TCF12: variants seen among roughly 807,000 people sequenced by gnomAD.
TCF12 encodes transcription factor 12, also known as DNA-binding protein HTF4.
In TCF12, 45 loss-of-function variants were observed where a neutral mutation model predicts 86.0. That is an observed-to-expected ratio of 0.52 (90% CI 0.41 to 0.67). TCF12 has a LOEUF of 0.67. Ranked by LOEUF, TCF12 falls within the 30% of genes least tolerant of loss-of-function variation. The probability of loss-of-function intolerance (pLI) is 0.00; values close to 1 mark genes in which losing one functional copy is unlikely to be tolerated. For synonymous variants in TCF12, 330 were observed against 299.6 expected (o/e 1.10, Z -1.05); for missense variants, 881 against 859.9 (o/e 1.02, Z -0.31).
At chr15:57,182,112 G>A (rs1327103412) in intron 6 of TCF12, among the ~76,000 whole-genome samples, 1 of 152,086 alleles carries the variant, frequency 6.6e-6, no homozygotes, top group Non-Finnish European at 1.5e-5. Context: ...CTCTGGGATC[G>A]TTCTGTATTC....
chr15:56,967,039 T>C (rs1381642795), intron 3 of TCF12, among the ~76,000 whole-genome samples: 1 of 152,062 alleles, frequency 6.6e-6, no homozygotes, highest in Non-Finnish European at 1.5e-5. Flanking sequence ...TGAGAATCGC[T>C]TCAACCTGGG....
chr15:57,050,296 T>G (rs2067522639), intron 3 of TCF12, among the ~76,000 whole-genome samples: 1 of 152,182 alleles, frequency 6.6e-6, no homozygotes. Context: ...GGTATTATTT[T>G]CCTTCAGCCT....
intron 2 of TCF12, among the ~76,000 whole-genome samples, chr15:56,920,536 T>A (rs1466478761): frequency 2.0e-5 from 3 of 150,240 alleles, no homozygotes; most frequent in African/African-American, 7.3e-5. Flanking sequence ...GGGAAATGAC[T>A]TAAAAACATC....
intron 5 of TCF12, among the ~76,000 whole-genome samples, chr15:57,106,017 G>C (rs138380104): frequency 6.6e-6 from 1 of 152,156 alleles, no homozygotes; most frequent in Non-Finnish European, 1.5e-5. Context: ...TAGAGAAAAG[G>C]TTGAGTAAAT....
At chr15:57,265,182 C>T (rs1198953195) in intron 18 of TCF12, among the ~76,000 whole-genome samples, 2 of 151,814 alleles carry the variant, frequency 1.3e-5, no homozygotes, top group East Asian at 3.9e-4. Flanking sequence ...TTATCAAGTA[C>T]AGCAGGTCCT....
chr15:57,251,199 G>C (rs547703431), intron 13 of TCF12, 151 bp from the exon 14 acceptor site: 1 of 504,870 alleles, frequency 2.0e-6, no homozygotes, highest in African/African-American at 2.0e-5. Flanking sequence ...AAAATGTGTT[G>C]GGCTTATAAG....
intron 3 of TCF12, among the ~76,000 whole-genome samples, chr15:56,925,482 A>T (rs549814891): frequency 6.6e-6 from 1 of 152,336 alleles, no homozygotes; most frequent in East Asian, 1.9e-4. Context: ...AAAGATGAAG[A>T]TATCCAACCT....
At chr15:57,098,471 G>C (rs2049497806) in intron 5 of TCF12, among the ~76,000 whole-genome samples, 1 of 151,742 alleles carries the variant, frequency 6.6e-6, no homozygotes, top group Non-Finnish European at 1.5e-5. Context: ...CCTTTACCAT[G>C]CCCTTTTTCT....
In TCF12 at chr15:57,173,275, G is replaced by A. The variant is rs534291532; in HGVS notation, c.390+6809G>A. 2.6e-5 allele frequency among the ~76,000 whole-genome samples: 4 copies of A among 152,290 alleles called. No individual in the cohort carries two copies. The South Asian group carries it at 6.2e-4, about 24-fold the overall frequency. On this transcript the variant is annotated intron_variant, in intron 6 of 20. Coordinates refer to ENST00000333725, the MANE Select transcript of TCF12 (RefSeq NM_207037.2). ...ATCTAAACCAGTGCCTTGAAGGAAA[G>A]TATACTTTTGAAAGCTTGTATTAGA...
intron 5 of TCF12, among the ~76,000 whole-genome samples, chr15:57,130,770 A>G (rs186628959): frequency 1.3e-5 from 2 of 152,306 alleles, no homozygotes; most frequent in African/African-American, 4.8e-5. Context: ...GTTGTGTTAC[A>G]CACGTTGCTA....
chr15:57,171,394 A>G (rs1262086384), intron 6 of TCF12, among the ~76,000 whole-genome samples: 2 of 152,104 alleles, frequency 1.3e-5, no homozygotes, highest in Non-Finnish European at 1.5e-5. Flanking sequence ...GGGACAAAAA[A>G]TATACTTTAA....
intron 5 of TCF12, among the ~76,000 whole-genome samples, chr15:57,150,531 G>C (rs2053661541): frequency 1.3e-5 from 2 of 152,098 alleles, no homozygotes; most frequent in African/African-American, 4.8e-5. Flanking sequence ...CCAGAACAAA[G>C]TCTGACATTC....
intron 5 of TCF12, among the ~76,000 whole-genome samples, chr15:57,143,859 C>G (rs999057949): frequency 6.6e-6 from 1 of 152,142 alleles, no homozygotes; most frequent in African/African-American, 2.4e-5. Context: ...TGGAGATAGG[C>G]TACTTTGTGA....
chr15:57,074,362 A>T (rs932716927), intron 4 of TCF12, among the ~76,000 whole-genome samples: 154 of 80,668 alleles, frequency 1.9e-3, no homozygotes, highest in African/African-American at 2.5e-3. Context: ...ATTTTGATTA[A>T]AAAAAAAAAA....
At chr15:57,078,083 A>G (rs1330799862) in intron 4 of TCF12, among the ~76,000 whole-genome samples, 2 of 152,200 alleles carry the variant, frequency 1.3e-5, no homozygotes, top group African/African-American at 4.8e-5. Flanking sequence ...GATGATCAAA[A>G]TGACACCAGA....
intron 3 of TCF12, among the ~76,000 whole-genome samples, chr15:56,934,439 G>C (rs1288035149): frequency 6.6e-6 from 1 of 152,192 alleles, no homozygotes. Flanking sequence ...CTTGTCTGCT[G>C]TAAGCTTATG....
intron 13 of TCF12, chr15:57,247,965 A>T (rs1260289524): frequency 6.7e-6 from 5 of 741,716 alleles, no homozygotes; most frequent in Non-Finnish European, 1.2e-5. Flanking sequence ...GTTCCTTTGA[A>T]TCATGGCCCT....
chr15:56,960,229 G>A (rs1187554437), intron 3 of TCF12, among the ~76,000 whole-genome samples: 3 of 151,968 alleles, frequency 2.0e-5, no homozygotes, highest in African/African-American at 4.8e-5. Context: ...TTCTTTTTTA[G>A]GATAGTGATT....
chr15:57,232,568 C>G lies in TCF12; in HGVS notation c.825+138C>G, dbSNP rs1037770211. ...TTCAAGGCTTACCGCGTTTACCATG[C>G]CTTTCTAAAAAATAAATGACAATAA... is the stretch of plus-strand genomic sequence containing the variant. On this transcript the variant is annotated intron_variant, in intron 10 of 20. Transcript: ENST00000333725. 4 of 1,443,730 alleles carry G rather than the reference C, an allele frequency of 2.8e-6. No individual in the cohort carries two copies. The African/African-American group carries it at 5.8e-5, about 21-fold the overall frequency. 89.4% of individuals were successfully genotyped at this position (1,443,730 alleles called of 1,614,324 possible). A position where few individuals can be genotyped will look rare whatever the true frequency, so the allele number is the denominator to read the frequency against.
Sources: gnomAD v4.1 joint callset for allele counts (sites outside exome capture counted in the v4.1 genomes callset) on GRCh38, gnomAD v4.1.1 for gene constraint, MANE v1.5 for transcripts, NCBI Gene and HGNC (gene_info 2026-07-23, HGNC 2026-07-21) for gene names.